The following SLIT2 variants were observed in gnomAD, a reference collection of about 807,000 sequenced individuals.
SLIT2 encodes the protein slit guidance ligand 2.
Under a neutral mutation model 185.7 loss-of-function variants are expected in SLIT2, and 41 were observed. That is an observed-to-expected ratio of 0.22 (90% confidence interval 0.17 to 0.29). The LOEUF (loss-of-function observed/expected upper bound fraction) is 0.29. Ranked by LOEUF, SLIT2 falls within the 10% of genes least tolerant of loss-of-function variation. The probability of loss-of-function intolerance (pLI) is 1.00; values close to 1 mark genes in which losing one functional copy is unlikely to be tolerated. For missense variants in SLIT2, 1,571 were observed against 1,909.0 expected (o/e 0.82, Z 3.30); for synonymous variants, 693 against 680.2 (o/e 1.02, Z -0.29).
intron 4 of SLIT2, among the ~76,000 whole-genome samples, chr4:20,279,344 A>G (rs1307626968): frequency 6.6e-6 from 1 of 152,206 alleles, no homozygotes; most frequent in Non-Finnish European, 1.5e-5. Flanking sequence ...GATCTACCGT[A>G]TCTCAAGCAA....
At position 20,463,545 on chromosome 4, in the gene SLIT2, G is replaced by GTGTGTGTGTGTGTA. The variant is rs570394768; in HGVS notation, c.396-4206_396-4205insGTGTGTGTGTGTAT. 3.0e-5 allele frequency among the ~76,000 whole-genome samples: 4 copies of GTGTGTGTGTGTGTA among 134,384 alleles called. No individual in the cohort carries two copies. The South Asian group carries it at 7.4e-4, about 25-fold the overall frequency. The allele number at this position is 134,384 out of a possible 152,430, so 88.2% of individuals were successfully genotyped here. ...TGTGTGTGTGTGTGTGTGTGTGTGT[G>GTGTGTGTGTGTGTA]TATATGTATATCTCACATCTCTCCA... On this transcript the variant is annotated intron_variant, in intron 4 of 36. Coordinates refer to ENST00000504154, the MANE Select transcript of SLIT2 (RefSeq NM_004787.4).
intron 4 of SLIT2, among the ~76,000 whole-genome samples, chr4:20,345,305 C>T (rs1471073879): frequency 6.6e-6 from 1 of 152,034 alleles, no homozygotes; most frequent in Non-Finnish European, 1.5e-5. Context: ...TTTTTATCCA[C>T]ATCTCCTTGA....
chr4:20,482,812 T>C (rs913598171), intron 6 of SLIT2, among the ~76,000 whole-genome samples: 1 of 151,916 alleles, frequency 6.6e-6, no homozygotes, highest in African/African-American at 2.4e-5. Flanking sequence ...TTTATAAAGT[T>C]GATCAGACAT....
intron 4 of SLIT2, among the ~76,000 whole-genome samples, chr4:20,454,568 T>C (rs766993668): frequency 1.2e-3 from 182 of 152,254 alleles, no homozygotes; most frequent in Middle Eastern, 3.4e-3. Flanking sequence ...AAGTACAGAT[T>C]TATGATATTT....
At chr4:20,298,082 G>GT (rs780505182) in intron 4 of SLIT2, among the ~76,000 whole-genome samples, 3,038 of 136,886 alleles carry the variant, frequency 0.022, 32 homozygotes, top group Middle Eastern at 0.052. Flanking sequence ...TCTTCTGTTA[G>GT]TTTTTTTTTT....
At chr4:20,295,460 T>G (rs549934641) in intron 4 of SLIT2, among the ~76,000 whole-genome samples, 10 of 152,296 alleles carry the variant, frequency 6.6e-5, no homozygotes, top group East Asian at 3.9e-4. Context: ...TGGTCATGAC[T>G]TTTGGGGGAA....
intron 4 of SLIT2, among the ~76,000 whole-genome samples, chr4:20,432,541 A>G (rs1430582456): frequency 2.1e-5 from 3 of 141,332 alleles, no homozygotes; most frequent in Non-Finnish European, 3.1e-5. Flanking sequence ...TTTTTTTTTA[A>G]TACTTGGCCA....
chr4:20,449,006 A>T (rs1476129140), intron 4 of SLIT2, among the ~76,000 whole-genome samples: 1 of 152,180 alleles, frequency 6.6e-6, no homozygotes, highest in Admixed American at 6.5e-5. Flanking sequence ...TCATTTCTAG[A>T]GGGACTTACA....
rs1475434140 is a variant in SLIT2, at chr4:20,271,505, A to G, written c.395+2624A>G. Among the ~76,000 whole-genome samples, 4 of 147,090 alleles carry G rather than the reference A, an allele frequency of 2.7e-5. No individual in the cohort carries two copies. The East Asian group carries it at 7.8e-4, about 29-fold the overall frequency. ...ATATTTATATATTATATATATATATATAGCAAGCCATAGTTGCCCCTACTG... is the reference window on the plus strand; with the variant it reads ...ATATTTATATATTATATATATATATGTAGCAAGCCATAGTTGCCCCTACTG... On this transcript the variant is annotated intron_variant, in intron 4 of 36. Coordinates refer to ENST00000504154, the MANE Select transcript of SLIT2 (RefSeq NM_004787.4).
intron 5 of SLIT2, among the ~76,000 whole-genome samples, chr4:20,472,191 G>T: frequency 7.4e-6 from 1 of 135,386 alleles, no homozygotes; most frequent in South Asian, 2.3e-4. Flanking sequence ...CAATATTTAG[G>T]AAAAATTGCT....
intron 4 of SLIT2, among the ~76,000 whole-genome samples, chr4:20,288,252 T>TG (rs1316667588): frequency 6.6e-6 from 1 of 152,242 alleles, no homozygotes; most frequent in Non-Finnish European, 1.5e-5. Context: ...GATTCCGATC[T>TG]TGGCTTCAGC....
At chr4:20,537,960 C>G (rs1233343226) in intron 18 of SLIT2, among the ~76,000 whole-genome samples, 1 of 151,794 alleles carries the variant, frequency 6.6e-6, no homozygotes, top group Non-Finnish European at 1.5e-5. Context: ...AAATTTTTAT[C>G]TATTTATTTA....
intron 4 of SLIT2, among the ~76,000 whole-genome samples, chr4:20,366,795 A>C (rs1313725997): frequency 1.3e-5 from 2 of 151,886 alleles, no homozygotes; most frequent in African/African-American, 4.8e-5. Context: ...TTTTTAGTTT[A>C]GTTTATTTTT....
intron 5 of SLIT2, among the ~76,000 whole-genome samples, chr4:20,479,899 G>C (rs1716516945): frequency 6.6e-6 from 1 of 152,076 alleles, no homozygotes; most frequent in African/African-American, 2.4e-5. Flanking sequence ...GATACATGTA[G>C]TGTTTTTATG....
At chr4:20,437,590 G>C (rs9993391) in intron 4 of SLIT2, among the ~76,000 whole-genome samples, 1 of 152,074 alleles carries the variant, frequency 6.6e-6, no homozygotes, top group Admixed American at 6.5e-5. Flanking sequence ...ATCCCAGCCT[G>C]GGTGACAGAG....
chr4:20,512,935 A>C (rs973102109), intron 11 of SLIT2, among the ~76,000 whole-genome samples: 20 of 152,240 alleles, frequency 1.3e-4, no homozygotes, highest in African/African-American at 4.8e-4. Context: ...TTATAAATAG[A>C]ACAGTTTATT....
chr4:20,360,240 A>G (rs1722634509), intron 4 of SLIT2, among the ~76,000 whole-genome samples: 1 of 152,136 alleles, frequency 6.6e-6, no homozygotes. Flanking sequence ...GTCCCTTTTT[A>G]ATTTTCTTTC....
intron 33 of SLIT2, among the ~76,000 whole-genome samples, chr4:20,602,885 A>G (rs1042057844): frequency 6.6e-6 from 1 of 152,000 alleles, no homozygotes; most frequent in African/African-American, 2.4e-5. Context: ...GTTGTTAAAC[A>G]TTTGCCAGCA....
chr4:20,410,782 G>T (rs1727191207), intron 4 of SLIT2, among the ~76,000 whole-genome samples: 1 of 152,068 alleles, frequency 6.6e-6, no homozygotes, highest in Admixed American at 6.5e-5. Flanking sequence ...CTTGGAGTCT[G>T]TTCTTATACC....
Sources: gnomAD v4.1 joint callset for allele counts (sites outside exome capture counted in the v4.1 genomes callset) on GRCh38, gnomAD v4.1.1 for gene constraint, MANE v1.5 for transcripts, NCBI Gene and HGNC (gene_info 2026-07-23, HGNC 2026-07-21) for gene names.